Variants in CCSER1 observed in about 807,000 individuals in gnomAD.
CCSER1 encodes the protein serine-rich coiled-coil domain-containing protein 1.
In CCSER1, 41 loss-of-function variants were observed where a neutral mutation model predicts 82.0. The observed-to-expected ratio is 0.50, with a 90% CI of 0.39 to 0.65. The LOEUF (loss-of-function observed/expected upper bound fraction) is 0.65. Ranked by LOEUF, CCSER1 falls within the 30% of genes least tolerant of loss-of-function variation. The probability of loss-of-function intolerance (pLI) is 0.00; values close to 1 mark genes in which losing one functional copy is unlikely to be tolerated. For missense variants in CCSER1, 1,119 were observed against 1,064.2 expected, an observed-to-expected ratio of 1.05 and a Z score of -0.72; for synonymous variants, 414 against 383.9, an observed-to-expected ratio of 1.08 and a Z score of -0.92.
At chr4:91,463,338 A>G (rs1160679625) in intron 10 of CCSER1, among the ~76,000 whole-genome samples, 4 of 152,228 alleles carry the variant, frequency 2.6e-5, no homozygotes, top group Non-Finnish European at 4.4e-5. Flanking sequence ...AAGGACATCC[A>G]CACCAAAACC....
intron 10 of CCSER1, among the ~76,000 whole-genome samples, chr4:91,184,193 A>T (rs995106781): frequency 1.7e-4 from 26 of 152,294 alleles, no homozygotes; most frequent in African/African-American, 5.8e-4. Context: ...CACTGTGAAA[A>T]TTTTTTAGGA....
At chr4:90,757,500 G>A (rs1461374631) in intron 7 of CCSER1, among the ~76,000 whole-genome samples, 1 of 152,140 alleles carries the variant, frequency 6.6e-6, no homozygotes, top group African/African-American at 2.4e-5. Flanking sequence ...TTTTGGTTTG[G>A]TCTATTGGGC....
chr4:90,204,315 A>C (rs1738359790), intron 1 of CCSER1, among the ~76,000 whole-genome samples: 1 of 152,098 alleles, frequency 6.6e-6, no homozygotes, highest in African/African-American at 2.4e-5. Context: ...TAGAGTTTTT[A>C]TGATTTTTAG....
chr4:91,222,532 A>T (rs1224180547), intron 10 of CCSER1, among the ~76,000 whole-genome samples: 1 of 152,142 alleles, frequency 6.6e-6, no homozygotes, highest in African/African-American at 2.4e-5. Flanking sequence ...TTGCTTAACG[A>T]TCTCAAATAA....
At chr4:91,277,164 G>A (rs1025635214) in intron 10 of CCSER1, among the ~76,000 whole-genome samples, 1 of 152,010 alleles carries the variant, frequency 6.6e-6, no homozygotes, top group Admixed American at 6.5e-5. Context: ...TGCCCTCATA[G>A]AATGAGTTAG....
At chr4:91,528,046 C>A (rs984073827) in intron 10 of CCSER1, among the ~76,000 whole-genome samples, 17 of 152,056 alleles carry the variant, frequency 1.1e-4, no homozygotes, top group Admixed American at 2.0e-4. Flanking sequence ...ACCTGAGTAG[C>A]TGGAATTACA....
In CCSER1 at chr4:90,447,917, G is replaced by A. The variant is rs1437056171; in HGVS notation, c.1604-20317G>A. On this transcript the variant is annotated intron_variant, in intron 4 of 10. Coordinates refer to ENST00000509176, the MANE Select transcript of CCSER1 (RefSeq NM_001145065.2). Reference sequence around the variant, plus strand: ...AAATAATTGCTTTTAAAATATTATAGAGTTAATTTTTCAGGGTTTTTTATT... The same window carrying A: ...AAATAATTGCTTTTAAAATATTATAAAGTTAATTTTTCAGGGTTTTTTATT... 8.6e-5 allele frequency among the ~76,000 whole-genome samples: 13 copies of A among 151,960 alleles called. 1 individual carries two copies. The highest frequency in any genetic ancestry group is 4.8e-5 in the African/African-American group (2 of 41,384).
At chr4:90,556,056 T>A (rs1658968546) in intron 5 of CCSER1, among the ~76,000 whole-genome samples, 1 of 152,138 alleles carries the variant, frequency 6.6e-6, no homozygotes, top group Admixed American at 6.5e-5. Context: ...CCATCTACTA[T>A]GTCAGGATGT....
chr4:91,384,142 T>G (rs1257801799), intron 10 of CCSER1, among the ~76,000 whole-genome samples: 2 of 152,124 alleles, frequency 1.3e-5, no homozygotes, highest in Non-Finnish European at 2.9e-5. Flanking sequence ...TAATTTAATC[T>G]TCTTTTGTGG....
intron 3 of CCSER1, among the ~76,000 whole-genome samples, chr4:90,340,256 A>G (rs1741153667): frequency 6.6e-6 from 1 of 152,156 alleles, no homozygotes; most frequent in Admixed American, 6.5e-5. Context: ...TTACCTTAGA[A>G]TACACATCCT....
At chr4:90,526,929 T>C (rs1453526825) in intron 5 of CCSER1, among the ~76,000 whole-genome samples, 1 of 152,208 alleles carries the variant, frequency 6.6e-6, no homozygotes, top group Non-Finnish European at 1.5e-5. Flanking sequence ...TGGTTCTAGA[T>C]CCTTGAGGAA....
chr4:91,571,495 C>T (rs764817888), intron 10 of CCSER1, among the ~76,000 whole-genome samples: 5 of 152,108 alleles, frequency 3.3e-5, no homozygotes, highest in Non-Finnish European at 7.4e-5. Flanking sequence ...AACTTACAAT[C>T]ATGTCAGAAG....
In CCSER1 at chr4:91,058,616, T is replaced by A. The variant is rs78389444; in HGVS notation, c.2173-27334T>A. 8.6e-3 allele frequency among the ~76,000 whole-genome samples: 1,315 copies of A among 152,142 alleles called. 20 individuals carry two copies. The highest frequency in any genetic ancestry group is 0.031 in the African/African-American group (1,267 of 41,518). The stretch of plus-strand genomic sequence containing the variant: ...ACTTTGTCATCTTCATCCTCAGGAG[T>A]CTTATCCTCCTACTATTACTCATTC... On this transcript the variant is annotated intron_variant, in intron 9 of 10. Coordinates refer to ENST00000509176, the MANE Select transcript of CCSER1 (RefSeq NM_001145065.2).
At chr4:91,023,637 A>G (rs1339115169) in intron 9 of CCSER1, among the ~76,000 whole-genome samples, 1 of 152,170 alleles carries the variant, frequency 6.6e-6, no homozygotes, top group Non-Finnish European at 1.5e-5. Context: ...CCTTCCTTAC[A>G]CCTTATACCA....
At chr4:90,241,683 A>T (rs1467303318) in intron 1 of CCSER1, among the ~76,000 whole-genome samples, 2 of 152,158 alleles carry the variant, frequency 1.3e-5, no homozygotes, top group African/African-American at 4.8e-5. Flanking sequence ...AAGGAAAGGG[A>T]TACACGTGGT....
chr4:90,468,418 T>C (rs981641993), intron 5 of CCSER1, 64 bp downstream of exon 5: 268 of 1,411,740 alleles, frequency 1.9e-4, no homozygotes, highest in Non-Finnish European at 2.5e-4. Context: ...TAAGAAAATG[T>C]GATTTATAAT....
chr4:90,946,134 AATAATT>A (rs1732209236), intron 9 of CCSER1, among the ~76,000 whole-genome samples: 2 of 152,308 alleles, frequency 1.3e-5, no homozygotes, highest in East Asian at 1.9e-4. Context: ...GAGTGACACT[AATAATT>A]ATAATGATTG....
intron 1 of CCSER1, among the ~76,000 whole-genome samples, chr4:90,187,605 T>C (rs1734855228): frequency 6.6e-6 from 1 of 151,926 alleles, no homozygotes; most frequent in Non-Finnish European, 1.5e-5. Flanking sequence ...GCTTAAGACA[T>C]TTGTAAGAAA....
At chr4:91,096,623 G>T (rs544801058) in intron 10 of CCSER1, among the ~76,000 whole-genome samples, 1 of 152,072 alleles carries the variant, frequency 6.6e-6, no homozygotes, top group South Asian at 2.1e-4. Flanking sequence ...CTCTAATTCG[G>T]GCCAATCTAT....
Sources: allele counts gnomAD v4.1 joint callset (sites outside exome capture counted in the v4.1 genomes callset), GRCh38; gene constraint gnomAD v4.1.1; transcripts MANE v1.5; gene names NCBI Gene and HGNC (gene_info 2026-07-23, HGNC 2026-07-21).